Variants in NRBP2 observed in about 807,000 individuals in gnomAD.
NRBP2 encodes nuclear receptor binding protein 2.
NRBP2 carries 47 observed loss-of-function variants against 74.4 expected under a neutral mutation model. The ratio of observed to expected loss-of-function variants is 0.63; its 90% confidence interval spans 0.50 to 0.81. The LOEUF (loss-of-function observed/expected upper bound fraction) is 0.81, where lower values mean the gene tolerates loss of function less well. Ranked by LOEUF, NRBP2 falls within the 30% of genes least tolerant of loss-of-function variation. NRBP2 has a pLI of 0.00. For missense variants in NRBP2, 613 were observed against 690.1 expected, an observed-to-expected ratio of 0.89 and a Z score of 1.25; for synonymous variants, 312 against 273.8, an observed-to-expected ratio of 1.14 and a Z score of -1.38.
chr8:143,839,636 C>T lies in NRBP2; in HGVS notation c.445-87G>A, dbSNP rs1818605352. The T allele has an allele frequency of 2.0e-6, 3 of 1,511,026 alleles. No individual in the cohort carries two copies. The highest frequency in any genetic ancestry group is 2.6e-6 in the Non-Finnish European group (3 of 1,133,982). The allele number at this position is 1,511,026 out of a possible 1,614,324, so 93.6% of individuals were successfully genotyped here. On this transcript the variant is annotated intron_variant, in intron 4 of 17. Transcript: ENST00000442628. The surrounding 1 kb of genome is among the most constrained non-coding windows in gnomAD (Gnocchi z 5.1). ...GAGCCCGCCCCGCATCCTCGCCCAGCCCCTGTCCGAGGCCGCCGGGCACCC... is the reference window on the plus strand; with the variant it reads ...GAGCCCGCCCCGCATCCTCGCCCAGTCCCTGTCCGAGGCCGCCGGGCACCC...
At chr8:143,832,216 A>T (rs1332849783), downstream of NRBP2, among the ~76,000 whole-genome samples, 1 of 151,782 alleles carries the variant, frequency 6.6e-6, no homozygotes, top group African/African-American at 2.4e-5. Flanking sequence ...AGATGCTTGA[A>T]GGCAGCATGC....
Position 143,835,929 on chromosome 8 carries a change from G to A in NRBP2, c.1381+38C>T, listed in dbSNP as rs782258832. ...AGGCCGCTGCCCACCCGCCGCCTGG[G>A]GTCACCGCCCGCCGCCCAAGTCCCC... On this transcript the variant is annotated intron_variant, in intron 16 of 17. Transcript: ENST00000442628. The surrounding 1 kb of genome is among the most constrained non-coding windows in gnomAD (Gnocchi z 4.9). 1.1e-5 allele frequency: 17 copies of A among 1,591,472 alleles called. No individual in the cohort carries two copies. The highest frequency in any genetic ancestry group is 1.7e-4 in the Middle Eastern group (1 of 6,030).
Position 143,840,255 on chromosome 8 carries a change from T to C in NRBP2, c.130-26A>G. 1 of 1,535,498 alleles carries C rather than the reference T, an allele frequency of 6.5e-7. No homozygotes were observed. Among genetic ancestry groups the C allele is most frequent in the Non-Finnish European group, 8.7e-7 (1 of 1,146,536 alleles). On this transcript the variant is annotated intron_variant, in intron 1 of 17. Coordinates refer to ENST00000442628, the MANE Select transcript of NRBP2 (RefSeq NM_178564.4). The surrounding 1 kb of genome is among the most constrained non-coding windows in gnomAD (Gnocchi z 5.7). The stretch of plus-strand genomic sequence containing the variant: ...CTGGGGGTGAATAAAGGGTTATGTG[T>C]GCCCTGGTGTGTGTCAGGGTTGTGG...
downstream of NRBP2, among the ~76,000 whole-genome samples, chr8:143,830,882 A>G (rs1554650105): frequency 6.6e-6 from 1 of 152,278 alleles, no homozygotes; most frequent in Non-Finnish European, 1.5e-5. Context: ...GCTCTTAGAA[A>G]TAAAACATGA....
In NRBP2 at chr8:143,839,139, C is replaced by T. The variant is rs1554652849; in HGVS notation, c.604+33G>A. The stretch of plus-strand genomic sequence containing the variant: ...CAGAGCTGAGCGGGCGGGGACCTCT[C>T]CAGGACCCCGTCCCCCCAAAGTCCG... On this transcript the variant is annotated intron_variant, in intron 7 of 17. Transcript: ENST00000442628. This position sits in a 1 kb window ranked among gnomAD's most constrained non-coding sequence, Gnocchi z 5.1. 5.3e-6 allele frequency: 8 copies of T among 1,514,462 alleles called. No individual in the cohort carries two copies. The highest frequency in any genetic ancestry group is 3.7e-5 in the South Asian group (3 of 80,474). 93.8% of individuals were successfully genotyped at this position (1,514,462 alleles called of 1,614,324 possible). A position where few individuals can be genotyped will look rare whatever the true frequency, so the allele number is the denominator to read the frequency against.
Position 143,840,513 on chromosome 8 carries a change from C to G in NRBP2, c.129+193G>C. The G allele has an allele frequency of 1.5e-6, 1 of 667,554 alleles. No individual in the cohort carries two copies. Among genetic ancestry groups the G allele is most frequent in the Non-Finnish European group, 2.5e-6 (1 of 405,482 alleles). 41.4% of individuals were successfully genotyped at this position (667,554 alleles called of 1,614,324 possible). A position where few individuals can be genotyped will look rare whatever the true frequency, so the allele number is the denominator to read the frequency against. ...ATGGGGAGGTGGTCCTGGGAGGAGA[C>G]TGGCCCTCAGGGAGTCCCAGGGCGA... On this transcript the variant is annotated intron_variant, in intron 1 of 17. Coordinates refer to ENST00000442628, the MANE Select transcript of NRBP2 (RefSeq NM_178564.4). The surrounding 1 kb of genome is among the most constrained non-coding windows in gnomAD (Gnocchi z 5.7).
At chr8:143,838,467 C>T (rs1221856143) in intron 10 of NRBP2, among the ~76,000 whole-genome samples, 3 of 152,244 alleles carry the variant, frequency 2.0e-5, no homozygotes, top group African/African-American at 7.2e-5. Context: ...TCTCTCTTGC[C>T]TTCTTGTCCT....
In NRBP2 at chr8:143,839,274, C is replaced by T; in HGVS notation, c.580+40G>A. 1.3e-6 allele frequency: 2 copies of T among 1,535,930 alleles called. No individual in the cohort carries two copies. Among genetic ancestry groups the T allele is most frequent in the Admixed American group, 2.0e-5 (1 of 51,126 alleles). On this transcript the variant is annotated intron_variant, in intron 6 of 17. Transcript: ENST00000442628. The surrounding 1 kb of genome is among the most constrained non-coding windows in gnomAD (Gnocchi z 5.1). ...TCTGCCCTTGGCTCCAGGCACCTTC[C>T]CCTGCCCCGTTCCCCCACCCAGCCC...
downstream of NRBP2, chr8:143,833,423 G>A (rs1818231657): frequency 6.6e-6 from 1 of 152,202 alleles, no homozygotes; most frequent in African/African-American, 2.4e-5. Flanking sequence ...ACACTGGAAT[G>A]ATGCCGCCAG....
At chr8:143,833,007 A>T (rs1250705551), downstream of NRBP2, among the ~76,000 whole-genome samples, 1 of 152,206 alleles carries the variant, frequency 6.6e-6, no homozygotes, top group Non-Finnish European at 1.5e-5. Flanking sequence ...CTCTCAGGAA[A>T]CCTGGAGGAT....
At position 143,834,064 on chromosome 8, in the gene NRBP2, G is replaced by A. The variant is rs1203767544; in HGVS notation, c.*1598C>T. 1 of 152,226 alleles carries A rather than the reference G, an allele frequency of 6.6e-6. No individual in the cohort carries two copies. The highest frequency in any genetic ancestry group is 1.5e-5 in the Non-Finnish European group (1 of 68,046). The allele number at this position is 152,226 out of a possible 1,614,324, so 9.4% of individuals were successfully genotyped here. A position where few individuals can be genotyped will look rare whatever the true frequency, so the allele number is the denominator to read the frequency against. The stretch of plus-strand genomic sequence containing the variant: ...AATGCCACCCTTCCCCAACAAAAGA[G>A]GTTCATTCCTTAATCCCTGGAACCA... On this transcript the variant is annotated 3_prime_UTR_variant, in exon 18 of 18. Transcript: ENST00000442628.
chr8:143,840,914 C>A lies in NRBP2; in HGVS notation c.-80G>T, dbSNP rs1356698511. The A allele has an allele frequency of 7.4e-6, 9 of 1,212,164 alleles. No homozygotes were observed. Among genetic ancestry groups the A allele is most frequent in the Non-Finnish European group, 9.2e-6 (9 of 979,164 alleles). The allele number at this position is 1,212,164 out of a possible 1,614,324, so 75.1% of individuals were successfully genotyped here. ...CTCCCGGCCCGCCCTGGCCTCGCGC[C>A]CAGCAGCCCAGCCTAGAGCCGCCGC... is the stretch of plus-strand genomic sequence containing the variant. On this transcript the variant is annotated 5_prime_UTR_variant, in exon 1 of 18. Transcript: ENST00000442628. This position sits in a 1 kb window ranked among gnomAD's most constrained non-coding sequence, Gnocchi z 5.7.
At position 143,839,408 on chromosome 8, in the gene NRBP2, G is replaced by A. The variant is rs782169560; in HGVS notation, c.486C>T (p.Ser162=). The change falls in exon 6 of 18, where the codon AGC becomes AGT. Residue 162 remains serine (S), a splice_region_variant and synonymous_variant. Coordinates refer to ENST00000442628, the MANE Select transcript of NRBP2 (RefSeq NM_178564.4). The surrounding 1 kb of genome is among the most constrained non-coding windows in gnomAD (Gnocchi z 5.1). ...TTGGGGGGCTGCAGGCGTGCAGGAA[G>A]CTGCAGACGTTGGGGAGGGGAGAGT... The part of the protein sequence containing the change: ...RWCTQILSAL[S]FLHACSPPII... 6.4e-6 allele frequency: 10 copies of A among 1,566,944 alleles called. No homozygotes were observed. The South Asian group carries it at 1.2e-4, about 18-fold the overall frequency.
At chr8:143,830,133 T>C (rs13252406), downstream of NRBP2, among the ~76,000 whole-genome samples, 60,890 of 152,180 alleles carry the variant, frequency 0.4, 15,811 homozygotes, top group Non-Finnish European at 0.58. Flanking sequence ...ATACAGACAC[T>C]TCTACTTAAA....
At chr8:143,832,164 G>A (rs1375895718), downstream of NRBP2, among the ~76,000 whole-genome samples, 1 of 152,106 alleles carries the variant, frequency 6.6e-6, no homozygotes, top group Non-Finnish European at 1.5e-5. Flanking sequence ...TCAACTCAGA[G>A]TTGAATGGAT....
chr8:143,835,523 A>G lies in NRBP2; in HGVS notation c.*139T>C. 1.4e-6 allele frequency: 1 copy of G among 733,988 alleles called. No homozygotes were observed. Among genetic ancestry groups the G allele is most frequent in the Non-Finnish European group, 2.2e-6 (1 of 447,580 alleles). The allele number at this position is 733,988 out of a possible 1,614,324, so 45.5% of individuals were successfully genotyped here. A position where few individuals can be genotyped will look rare whatever the true frequency, so the allele number is the denominator to read the frequency against. ...AGGCAGGGTCAGCCCCACTCTCAGG[A>G]GACGGGGGGTTCCTTCACTACCGGG... is the stretch of plus-strand genomic sequence containing the variant. On this transcript the variant is annotated 3_prime_UTR_variant, in exon 18 of 18. Coordinates refer to ENST00000442628, the MANE Select transcript of NRBP2 (RefSeq NM_178564.4). This position sits in a 1 kb window ranked among gnomAD's most constrained non-coding sequence, Gnocchi z 4.9.
downstream of NRBP2, among the ~76,000 whole-genome samples, chr8:143,832,732 C>T (rs990735931): frequency 3.3e-5 from 5 of 152,236 alleles, no homozygotes; most frequent in African/African-American, 1.2e-4. Flanking sequence ...CCACTATTGT[C>T]TTGTGACCCT....
Position 143,837,978 on chromosome 8 carries a change from C to T in NRBP2, c.841-223G>A. On this transcript the variant is annotated intron_variant, in intron 10 of 17. Transcript: ENST00000442628. This position sits in a 1 kb window ranked among gnomAD's most constrained non-coding sequence, Gnocchi z 4.3. ...TCTGGGATTGGAGCACCATGCTCTGCTTCCCTCGACCCCCAAAAAATCGTG... is the reference window on the plus strand; with the variant it reads ...TCTGGGATTGGAGCACCATGCTCTGTTTCCCTCGACCCCCAAAAAATCGTG... The T allele has an allele frequency of 1.4e-6, 1 of 707,908 alleles. No homozygotes were observed. Among genetic ancestry groups the T allele is most frequent in the Non-Finnish European group, 2.6e-6 (1 of 391,304 alleles). The allele number at this position is 707,908 out of a possible 1,614,324, so 43.9% of individuals were successfully genotyped here.
chr8:143,836,700 G>GGGGGGGTGGGAGGGGTGC (rs1818411369), intron 14 of NRBP2, among the ~76,000 whole-genome samples: 1 of 144,066 alleles, frequency 6.9e-6, no homozygotes, highest in African/African-American at 2.6e-5. Context: ...GGGAGGGGTG[G>GGGGGGGTGGGAGGGGTGC]GGGGGGTGGG....
Sources: allele counts gnomAD v4.1 joint callset (sites outside exome capture counted in the v4.1 genomes callset), GRCh38; gene constraint gnomAD v4.1.1; non-coding constraint Gnocchi (gnomAD v3.1); transcripts MANE v1.5; gene names NCBI Gene and HGNC (gene_info 2026-07-23, HGNC 2026-07-21).